Variants in PIGK observed in about 807,000 individuals in gnomAD.
The protein encoded by PIGK is phosphatidylinositol glycan anchor biosynthesis class K.
Under a neutral mutation model 50.6 loss-of-function variants are expected in PIGK, and 42 were observed. The ratio of observed to expected loss-of-function variants is 0.83; its 90% confidence interval spans 0.65 to 1.07. PIGK has a LOEUF of 1.07. PIGK is among the 50% of genes least tolerant of loss of function. The probability of loss-of-function intolerance (pLI) is 0.00; values close to 1 mark genes in which losing one functional copy is unlikely to be tolerated. For missense variants in PIGK, 448 were observed against 488.7 expected, an observed-to-expected ratio of 0.92 and a Z score of 0.78; for synonymous variants, 151 against 156.0, an observed-to-expected ratio of 0.97 and a Z score of 0.24.
chr1:77,170,222 T>C (rs1389173182), intron 3 of PIGK, among the ~76,000 whole-genome samples: 1 of 152,208 alleles, frequency 6.6e-6, no homozygotes, highest in Non-Finnish European at 1.5e-5. Context: ...TGCATCCCCA[T>C]TGCATTTAGA....
At chr1:77,143,404 C>T (rs1441604462) in intron 9 of PIGK, among the ~76,000 whole-genome samples, 1 of 151,934 alleles carries the variant, frequency 6.6e-6, no homozygotes, top group East Asian at 1.9e-4. Context: ...TTTTTACCAT[C>T]CTTTATAAAA....
chr1:77,216,266 G>A (rs957325597), intron 1 of PIGK, among the ~76,000 whole-genome samples: 6 of 152,038 alleles, frequency 3.9e-5, no homozygotes, highest in Non-Finnish European at 4.4e-5. Context: ...GAGAGGCATC[G>A]CTTAAAGAGA....
intron 3 of PIGK, among the ~76,000 whole-genome samples, chr1:77,189,734 TATATATATATATATACACAC>T (rs1296793412): frequency 1.0e-3 from 33 of 32,308 alleles, no homozygotes; most frequent in African/African-American, 4.6e-3. Flanking sequence ...TATATATATA[TATATATATATATATACACAC>T]ACACACACAC....
chr1:77,187,902 T>C (rs1196733363), intron 3 of PIGK, among the ~76,000 whole-genome samples: 3 of 152,238 alleles, frequency 2.0e-5, no homozygotes, highest in Non-Finnish European at 4.4e-5. Flanking sequence ...TAATTTCTTA[T>C]GCCTGTCTTT....
chr1:77,152,764 A>C (rs1233895176), intron 9 of PIGK, among the ~76,000 whole-genome samples: 2 of 152,156 alleles, frequency 1.3e-5, no homozygotes, highest in African/African-American at 2.4e-5. Context: ...CAACAGGTAT[A>C]TGAAAAAATG....
At chr1:77,175,410 C>T (rs774676996) in intron 3 of PIGK, among the ~76,000 whole-genome samples, 26 of 151,998 alleles carry the variant, frequency 1.7e-4, no homozygotes, top group African/African-American at 3.6e-4. Context: ...CCAAGCATGA[C>T]GTAGGTGGTC....
At chr1:77,199,382 T>G (rs1451531978) in intron 3 of PIGK, among the ~76,000 whole-genome samples, 2 of 152,012 alleles carry the variant, frequency 1.3e-5, no homozygotes, top group Non-Finnish European at 2.9e-5. Context: ...TAGGAAGTAT[T>G]TTAGAAAAAA....
chr1:77,212,981 G>A (rs1470304876), intron 1 of PIGK, among the ~76,000 whole-genome samples: 2 of 152,142 alleles, frequency 1.3e-5, no homozygotes, highest in African/African-American at 2.4e-5. Flanking sequence ...CTGGAGTGCA[G>A]TAGCATGATC....
intron 3 of PIGK, among the ~76,000 whole-genome samples, chr1:77,199,553 T>C (rs1485584298): frequency 6.6e-6 from 1 of 151,812 alleles, no homozygotes; most frequent in African/African-American, 2.4e-5. Flanking sequence ...TCACCAAATA[T>C]GATTATCAAT....
At chr1:77,150,051 T>C (rs1654859105) in intron 9 of PIGK, among the ~76,000 whole-genome samples, 1 of 151,764 alleles carries the variant, frequency 6.6e-6, no homozygotes, top group Non-Finnish European at 1.5e-5. Context: ...CAAATGAAAA[T>C]ACAAACACAA....
intron 9 of PIGK, among the ~76,000 whole-genome samples, chr1:77,131,585 T>C (rs988862464): frequency 6.6e-5 from 10 of 152,244 alleles, no homozygotes; most frequent in African/African-American, 2.2e-4. Flanking sequence ...CTAAGCCACA[T>C]TGCCTTTTTA....
At chr1:77,112,414 A>G (rs1442972257) in intron 10 of PIGK, among the ~76,000 whole-genome samples, 1 of 151,984 alleles carries the variant, frequency 6.6e-6, no homozygotes, top group African/African-American at 2.4e-5. Context: ...CAGTTTCTGT[A>G]TTTATATGAG....
chr1:77,154,450 T>TG lies in PIGK; in HGVS notation c.984dup (p.Ser329GlnfsTer3). On this transcript the variant is annotated frameshift_variant and splice_region_variant, in exon 9 of 11. Transcript: ENST00000370812. LOFTEE classifies it high-confidence loss of function. Reference sequence around the variant, plus strand: ...CAAATAATGGTTTAAGATGAATACCTGCTTTCCATGATTTCTGAATCCTGT... The same window carrying TG: ...CAAATAATGGTTTAAGATGAATACCTGGCTTTCCATGATTTCTGAATCCTGT... 4 of 1,602,074 alleles carry TG rather than the reference T, an allele frequency of 2.5e-6. No homozygotes were observed. The highest frequency in any genetic ancestry group is 3.4e-6 in the Non-Finnish European group (4 of 1,170,762).
At chr1:77,121,738 G>A (rs1263817401) in intron 10 of PIGK, among the ~76,000 whole-genome samples, 1 of 152,162 alleles carries the variant, frequency 6.6e-6, no homozygotes, top group African/African-American at 2.4e-5. Context: ...AAGCTTACAT[G>A]CTTACAACAC....
chr1:77,158,033 T>C (rs917155501), intron 8 of PIGK, among the ~76,000 whole-genome samples: 1 of 152,184 alleles, frequency 6.6e-6, no homozygotes, highest in Non-Finnish European at 1.5e-5. Context: ...TTTGTTTGTA[T>C]TGAGACAGAG....
chr1:77,146,418 T>C (rs936007613), intron 9 of PIGK, among the ~76,000 whole-genome samples: 7 of 152,054 alleles, frequency 4.6e-5, no homozygotes, highest in Non-Finnish European at 8.8e-5. Flanking sequence ...TCCCAGTGCT[T>C]TGGGAGACAC....
At chr1:77,206,529 G>C in intron 3 of PIGK, 111 bp downstream of exon 3, 1 of 647,152 alleles carries the variant, frequency 1.5e-6, no homozygotes, top group Non-Finnish European at 2.6e-6. Context: ...CTTCAAATCA[G>C]ATTTTTTTTT....
At chr1:77,098,739 G>A (rs1653477428) in intron 10 of PIGK, among the ~76,000 whole-genome samples, 1 of 152,014 alleles carries the variant, frequency 6.6e-6, no homozygotes, top group Admixed American at 6.6e-5. Flanking sequence ...CAGAAAAGGG[G>A]ATAAATTCAA....
At chr1:77,107,155 T>A (rs1161625428) in intron 10 of PIGK, among the ~76,000 whole-genome samples, 1 of 152,220 alleles carries the variant, frequency 6.6e-6, no homozygotes, top group Non-Finnish European at 1.5e-5. Context: ...TACTCTTGCT[T>A]CTCTAGTTCT....
Sources: gnomAD v4.1 joint callset for allele counts (sites outside exome capture counted in the v4.1 genomes callset) on GRCh38, gnomAD v4.1.1 for gene constraint, MANE v1.5 for transcripts, NCBI Gene and HGNC (gene_info 2026-07-23, HGNC 2026-07-21) for gene names.